Variants in CPNE8 observed in about 807,000 individuals in gnomAD.
CPNE8 encodes the protein copine-8.
CPNE8 carries 45 observed loss-of-function variants against 81.5 expected under a neutral mutation model. That is an observed-to-expected ratio of 0.55 (90% confidence interval 0.44 to 0.71). The LOEUF (loss-of-function observed/expected upper bound fraction) is 0.71. Among genes scored for constraint, CPNE8 ranks in the 30% least tolerant of loss-of-function variants. The probability of loss-of-function intolerance (pLI) is 0.00; values close to 1 mark genes in which losing one functional copy is unlikely to be tolerated. For synonymous variants in CPNE8, 252 were observed against 226.3 expected, an observed-to-expected ratio of 1.11 and a Z score of -1.02; for missense variants, 594 against 672.1, an observed-to-expected ratio of 0.88 and a Z score of 1.28.
At chr12:38,855,369 C>A (rs189846615) in intron 3 of CPNE8, among the ~76,000 whole-genome samples, 1 of 151,858 alleles carries the variant, frequency 6.6e-6, no homozygotes, top group Non-Finnish European at 1.5e-5. Context: ...ATAGAAAATA[C>A]AATCCTAAGT....
At chr12:38,662,713 G>T (rs1414007342) in intron 19 of CPNE8, among the ~76,000 whole-genome samples, 1 of 152,036 alleles carries the variant, frequency 6.6e-6, no homozygotes, top group Non-Finnish European at 1.5e-5. Context: ...GAAAGCTGAA[G>T]GTATCACATT....
chr12:38,656,409 C>G (rs928033788), intron 19 of CPNE8, among the ~76,000 whole-genome samples: 3 of 148,006 alleles, frequency 2.0e-5, no homozygotes, highest in African/African-American at 7.5e-5. Flanking sequence ...TGTTGGCAAA[C>G]AGTTGATGCT....
At chr12:38,847,363 A>G (rs1035388031) in intron 4 of CPNE8, among the ~76,000 whole-genome samples, 2 of 152,150 alleles carry the variant, frequency 1.3e-5, no homozygotes, top group South Asian at 2.1e-4. Flanking sequence ...CTTAAAAAGC[A>G]ATTGCTACCA....
At chr12:38,857,018 TG>T in intron 3 of CPNE8, among the ~76,000 whole-genome samples, 1 of 152,226 alleles carries the variant, frequency 6.6e-6, no homozygotes, top group East Asian at 1.9e-4. Context: ...ACTCTTTTTT[TG>T]AAATAAATTA....
At chr12:38,738,211 G>A (rs376059852) in intron 10 of CPNE8, among the ~76,000 whole-genome samples, 12 of 151,970 alleles carry the variant, frequency 7.9e-5, no homozygotes, top group African/African-American at 2.7e-4. Flanking sequence ...GGAGATTAAA[G>A]TAAATTTGCT....
intron 16 of CPNE8, chr12:38,679,587 T>G: frequency 1.0e-6 from 1 of 985,080 alleles, no homozygotes; most frequent in Non-Finnish European, 1.2e-6. Context: ...CATTTTACTT[T>G]TAAGTTCTGT....
At chr12:38,664,824 A>G (rs1006009054) in intron 19 of CPNE8, among the ~76,000 whole-genome samples, 2 of 152,150 alleles carry the variant, frequency 1.3e-5, no homozygotes. Flanking sequence ...TAGGTTTGTT[A>G]GGTGAGCACA....
At position 38,774,785 on chromosome 12, in the gene CPNE8, T is replaced by A. The variant is rs374695494; in HGVS notation, c.471+1453A>T. On this transcript the variant is annotated intron_variant, in intron 7 of 19. Coordinates refer to ENST00000331366, the MANE Select transcript of CPNE8 (RefSeq NM_153634.3). ...TCTTTAACAGCATTATATGTGGGCA[T>A]GTTGGGGTATTTTTTAGATGAGAAA... is the stretch of plus-strand genomic sequence containing the variant. 1.2e-4 allele frequency among the ~76,000 whole-genome samples: 19 copies of A among 152,250 alleles called. No homozygotes were observed. The South Asian group carries it at 3.7e-3, about 30-fold the overall frequency.
rs1601579 is a variant in CPNE8, at chr12:38,784,804, G to A, written c.408-8503C>T. 1.8e-3 allele frequency among the ~76,000 whole-genome samples: 275 copies of A among 152,112 alleles called. 1 individual carries two copies. Among genetic ancestry groups the A allele is most frequent in the African/African-American group, 6.3e-3 (262 of 41,514 alleles). The stretch of plus-strand genomic sequence containing the variant: ...GAAAGTATCCTTCAAACATGAATAA[G>A]ACATAAAGAATTTCTCAGACAAACA... On this transcript the variant is annotated intron_variant, in intron 6 of 19. Coordinates refer to ENST00000331366, the MANE Select transcript of CPNE8 (RefSeq NM_153634.3).
In CPNE8 at chr12:38,657,627, G is replaced by A. The variant is rs1339765266; in HGVS notation, c.1507-3557C>T. ...TAACTGGGAGACACCTCCCAGTAGG[G>A]GCCGATAGACACCTCATACAGCTGG... On this transcript the variant is annotated intron_variant, in intron 19 of 19. Coordinates refer to ENST00000331366, the MANE Select transcript of CPNE8 (RefSeq NM_153634.3). 2.0e-5 allele frequency among the ~76,000 whole-genome samples: 3 copies of A among 152,118 alleles called. No individual in the cohort carries two copies. In the East Asian group the frequency reaches 5.8e-4, roughly 29 times the overall value.
intron 6 of CPNE8, among the ~76,000 whole-genome samples, chr12:38,813,793 G>A (rs576805139): frequency 5.9e-5 from 9 of 152,246 alleles, no homozygotes; most frequent in Non-Finnish European, 8.8e-5. Context: ...TTAGGCCTGC[G>A]AAAGACAGTG....
chr12:38,840,236 T>C (rs1408638166), intron 4 of CPNE8, among the ~76,000 whole-genome samples: 6 of 152,152 alleles, frequency 3.9e-5, no homozygotes, highest in Non-Finnish European at 8.8e-5. Context: ...TTCTCTTTTC[T>C]GTGCATAAGT....
At chr12:38,882,550 A>G (rs1944177040) in intron 1 of CPNE8, among the ~76,000 whole-genome samples, 1 of 152,182 alleles carries the variant, frequency 6.6e-6, no homozygotes, top group Non-Finnish European at 1.5e-5. Flanking sequence ...AGCCAGTAAC[A>G]CTGTCCAACC....
At position 38,653,625 on chromosome 12, in the gene CPNE8, A is replaced by AAAAAAAAAAAAAG. The variant is rs1444932251; in HGVS notation, c.*256_*257insCTTTTTTTTTTTT. The AAAAAAAAAAAAAG allele has an allele frequency of 4.5e-5, 13 of 290,710 alleles. No homozygotes were observed. Among genetic ancestry groups the AAAAAAAAAAAAAG allele is most frequent in the South Asian group, 4.2e-4 (4 of 9,574 alleles). The allele number at this position is 290,710 out of a possible 1,614,324, so 18.0% of individuals were successfully genotyped here. A position where few individuals can be genotyped will look rare whatever the true frequency, so the allele number is the denominator to read the frequency against. ...AAATTAGCTGTTTCTGTTAAAAAAA[A>AAAAAAAAAAAAAG]AAAGAAAGAAAGATTTAGAGAAGAC... On this transcript the variant is annotated 3_prime_UTR_variant, in exon 20 of 20. Coordinates refer to ENST00000331366, the MANE Select transcript of CPNE8 (RefSeq NM_153634.3).
chr12:38,893,501 C>T (rs117978460), intron 1 of CPNE8, among the ~76,000 whole-genome samples: 2,448 of 152,338 alleles, frequency 0.016, 17 homozygotes, highest in Middle Eastern at 0.031. Context: ...ATGAATAATC[C>T]ACCCTTGGTT....
chr12:38,874,704 T>C (rs56091726), intron 1 of CPNE8, among the ~76,000 whole-genome samples, 193 bp from the exon 2 acceptor site: 3,219 of 152,272 alleles, frequency 0.021, 107 homozygotes, highest in African/African-American at 0.072. Flanking sequence ...TGAACATCAC[T>C]GGACTCCAAA....
At chr12:38,718,192 G>C (rs1359225527) in intron 13 of CPNE8, among the ~76,000 whole-genome samples, 1 of 152,110 alleles carries the variant, frequency 6.6e-6, no homozygotes, top group Non-Finnish European at 1.5e-5. Flanking sequence ...GGGCATAATG[G>C]CCAGATGGGC....
rs574554704 is a variant in CPNE8, at chr12:38,737,603, C to A, written c.723-7245G>T. Among the ~76,000 whole-genome samples the A allele has an allele frequency of 3.3e-5, 5 of 152,140 alleles. No homozygotes were observed. The East Asian group carries it at 7.7e-4, about 24-fold the overall frequency. On this transcript the variant is annotated intron_variant, in intron 10 of 19. Coordinates refer to ENST00000331366, the MANE Select transcript of CPNE8 (RefSeq NM_153634.3). ...TTCATTAGGTAAAGTTCAATATAAT[C>A]ATCTCTCTAGATTTGCTATTATATT...
At chr12:38,719,263 A>C (rs953660970) in intron 13 of CPNE8, among the ~76,000 whole-genome samples, 8 of 152,192 alleles carry the variant, frequency 5.3e-5, no homozygotes, top group African/African-American at 1.9e-4. Context: ...GTCATGACCA[A>C]GCTAGATCTC....
Sources: allele counts gnomAD v4.1 joint callset (sites outside exome capture counted in the v4.1 genomes callset), GRCh38; gene constraint gnomAD v4.1.1; transcripts MANE v1.5; gene names NCBI Gene and HGNC (gene_info 2026-07-23, HGNC 2026-07-21).